Variants in FGD4 observed in about 807,000 individuals in gnomAD.
The protein encoded by FGD4 is FYVE, RhoGEF and PH domain-containing protein 4.
FGD4 carries 42 observed loss-of-function variants against 102.0 expected under a neutral mutation model. That is an observed-to-expected ratio of 0.41 (90% confidence interval 0.32 to 0.53). The LOEUF (loss-of-function observed/expected upper bound fraction) is 0.53, where lower values mean the gene tolerates loss of function less well. Among genes scored for constraint, FGD4 ranks in the 20% least tolerant of loss-of-function variants. The pLI is 0.21. For missense variants in FGD4, 902 were observed against 1,078.2 expected (o/e 0.84, Z 2.29); for synonymous variants, 380 against 375.7 (o/e 1.01, Z -0.13).
At chr12:32,434,761 T>C (rs1942166803) in intron 1 of FGD4, among the ~76,000 whole-genome samples, 1 of 152,200 alleles carries the variant, frequency 6.6e-6, no homozygotes. Context: ...AGGTACACAT[T>C]TATTCTGATG....
chr12:32,635,315 G>A (rs984426881), intron 15 of FGD4, among the ~76,000 whole-genome samples: 10 of 152,112 alleles, frequency 6.6e-5, no homozygotes, highest in African/African-American at 1.4e-4. Flanking sequence ...ATAATGAGTC[G>A]GGGAACTTGG....
At chr12:32,484,381 A>G (rs775225769) in intron 1 of FGD4, among the ~76,000 whole-genome samples, 9 of 152,208 alleles carry the variant, frequency 5.9e-5, no homozygotes, top group Middle Eastern at 3.2e-3. Flanking sequence ...TTGCTATTCC[A>G]TATAACATAG....
At chr12:32,633,459 AT>A in intron 14 of FGD4, 89 bp from the exon 15 acceptor site, 3 of 1,395,000 alleles carry the variant, frequency 2.2e-6, no homozygotes. Context: ...TATGCTTAAC[AT>A]TTTCTCATTT....
At chr12:32,566,792 C>G (rs967893281) in intron 2 of FGD4, among the ~76,000 whole-genome samples, 4 of 152,076 alleles carry the variant, frequency 2.6e-5, no homozygotes, top group Non-Finnish European at 5.9e-5. Context: ...CTGCATGGAC[C>G]AAGGAATTAT....
intron 1 of FGD4, among the ~76,000 whole-genome samples, chr12:32,475,538 G>A (rs7954906): frequency 0.37 from 56,538 of 151,788 alleles, 11,382 homozygotes; most frequent in South Asian, 0.51. Flanking sequence ...GATTCCAAAA[G>A]CACGGGTGTC....
At chr12:32,586,462 T>G (rs2136472168) in intron 4 of FGD4, among the ~76,000 whole-genome samples, 1 of 152,366 alleles carries the variant, frequency 6.6e-6, no homozygotes, top group Non-Finnish European at 1.5e-5. Flanking sequence ...TCCTGTTTTG[T>G]TGGGTTATAC....
At chr12:32,474,269 G>A (rs1469046900) in intron 1 of FGD4, among the ~76,000 whole-genome samples, 1 of 152,120 alleles carries the variant, frequency 6.6e-6, no homozygotes, top group Non-Finnish European at 1.5e-5. Flanking sequence ...CAAAAGCAAT[G>A]AAACCATAGT....
chr12:32,409,170 A>C (rs570428200), intron 1 of FGD4, among the ~76,000 whole-genome samples: 1 of 152,024 alleles, frequency 6.6e-6, no homozygotes, highest in Non-Finnish European at 1.5e-5. Flanking sequence ...ACCAGTTCTT[A>C]TCAGTTTTCC....
chr12:32,497,874 A>C (rs1937918804), intron 1 of FGD4, among the ~76,000 whole-genome samples: 1 of 152,230 alleles, frequency 6.6e-6, no homozygotes, highest in African/African-American at 2.4e-5. Flanking sequence ...TTCCTTCTGG[A>C]AAATAAATGT....
In FGD4 at chr12:32,472,984, T is replaced by A. The variant is rs1943460837; in HGVS notation, c.166+73025T>A. On this transcript the variant is annotated intron_variant, in intron 1 of 16. Coordinates refer to ENST00000534526, the MANE Select transcript of FGD4 (RefSeq NM_001370298.3). ...TGTAAACACACCAATCAGCACCCTG[T>A]GTTTAGCTCAAGGTTTGTAAATGCA... 2.6e-5 allele frequency among the ~76,000 whole-genome samples: 4 copies of A among 151,968 alleles called. No homozygotes were observed. The South Asian group carries it at 8.3e-4, about 32-fold the overall frequency.
chr12:32,504,984 T>C (rs556012937), intron 1 of FGD4, among the ~76,000 whole-genome samples: 118 of 152,346 alleles, frequency 7.7e-4, no homozygotes, highest in Non-Finnish European at 1.4e-3. Flanking sequence ...AATTGAGTCC[T>C]TCAGTTTCTT....
chr12:32,462,452 C>T (rs1206678394), intron 1 of FGD4, among the ~76,000 whole-genome samples: 7 of 152,184 alleles, frequency 4.6e-5, no homozygotes, highest in African/African-American at 1.4e-4. Flanking sequence ...TGAGCCACTG[C>T]GCCCAGCCGA....
intron 1 of FGD4, among the ~76,000 whole-genome samples, chr12:32,484,338 C>T (rs1055675931): frequency 6.8e-6 from 1 of 148,082 alleles, no homozygotes; most frequent in Non-Finnish European, 1.5e-5. Context: ...CACCTACTCT[C>T]AAAGTGCTTT....
chr12:32,507,971 C>G (rs1236923074), intron 1 of FGD4, among the ~76,000 whole-genome samples: 1 of 152,106 alleles, frequency 6.6e-6, no homozygotes, highest in Non-Finnish European at 1.5e-5. Context: ...TCAACAAATC[C>G]TTTCTTGGTG....
At chr12:32,526,610 C>G (rs865922266) in intron 1 of FGD4, among the ~76,000 whole-genome samples, 7 of 152,168 alleles carry the variant, frequency 4.6e-5, no homozygotes, top group South Asian at 2.1e-4. Context: ...GCAGGCTGCC[C>G]GAGCCAGCAT....
At chr12:32,638,486 TA>T (rs1950976399) in intron 15 of FGD4, among the ~76,000 whole-genome samples, 168 bp from the exon 16 acceptor site, 1 of 152,240 alleles carries the variant, frequency 6.6e-6, no homozygotes, top group Non-Finnish European at 1.5e-5. Context: ...CGTAAAGAGC[TA>T]AAATTGGCTT....
At chr12:32,430,458 G>A (rs905057343) in intron 1 of FGD4, among the ~76,000 whole-genome samples, 8 of 151,944 alleles carry the variant, frequency 5.3e-5, no homozygotes, top group African/African-American at 1.2e-4. Flanking sequence ...AGATTATATC[G>A]TATATCATTA....
intron 1 of FGD4, among the ~76,000 whole-genome samples, chr12:32,406,531 G>A (rs1386031316): frequency 1.3e-5 from 2 of 151,568 alleles, no homozygotes; most frequent in African/African-American, 2.4e-5. Flanking sequence ...TCCAGCCTGG[G>A]TGACAGAGCT....
chr12:32,434,678 A>G (rs1942165184), intron 1 of FGD4, among the ~76,000 whole-genome samples: 1 of 152,128 alleles, frequency 6.6e-6, no homozygotes, highest in African/African-American at 2.4e-5. Flanking sequence ...TCATTGCTTT[A>G]TGCTAGAAAA....
Sources: allele counts gnomAD v4.1 joint callset (sites outside exome capture counted in the v4.1 genomes callset), GRCh38; gene constraint gnomAD v4.1.1; transcripts MANE v1.5; gene names NCBI Gene and HGNC (gene_info 2026-07-23, HGNC 2026-07-21).